The following PKHD1L1 variants were observed in gnomAD, a reference collection of about 807,000 sequenced individuals.
PKHD1L1 encodes the protein PKHD1 like 1.
A neutral mutation model predicts 462.9 loss-of-function variants in PKHD1L1; 434 were observed. The observed-to-expected ratio is 0.94, with a 90% CI of 0.87 to 1.02. PKHD1L1 has a LOEUF of 1.02. PKHD1L1 is among the 50% of genes least tolerant of loss of function. The pLI, the probability that PKHD1L1 is intolerant of heterozygous loss-of-function variation, is 0.00. For synonymous variants in PKHD1L1, 1,781 were observed against 1,750.0 expected, an observed-to-expected ratio of 1.02 and a Z score of -0.44; for missense variants, 5,202 against 5,096.1, an observed-to-expected ratio of 1.02 and a Z score of -0.63.
In PKHD1L1 at chr8:109,448,354, G is replaced by A. The variant is rs868191862; in HGVS notation, c.5988G>A (p.Glu1996=). ...KGSAMSTVVF[E]YPLNIQNINP... ...CAGCCATGTCCACAGTTGTATTTGA[G>A]TACCCGCTTAATATTCAAAATATTA... Residue 1996 remains glutamate, a synonymous_variant, in exon 39 of 78, where the codon GAG becomes GAA. Transcript: ENST00000378402. 21 of 1,613,158 alleles carry A rather than the reference G, an allele frequency of 1.3e-5. No homozygotes were observed. In the Middle Eastern group the frequency reaches 4.9e-4, roughly 38 times the overall value.
intron 28 of PKHD1L1, among the ~76,000 whole-genome samples, 172 bp downstream of exon 28, chr8:109,433,388 A>G (rs1427136496): frequency 2.0e-5 from 3 of 152,186 alleles, no homozygotes; most frequent in Admixed American, 6.5e-5. Flanking sequence ...ATAATGCCTT[A>G]TCTTTGATTA....
At chr8:109,465,349 C>T (rs773444515) in intron 49 of PKHD1L1, 104 bp downstream of exon 49, 17 of 1,208,736 alleles carry the variant, frequency 1.4e-5, no homozygotes, top group Non-Finnish European at 1.9e-5. Context: ...CAGATCTTAC[C>T]CAATAGCAAA....
intron 46 of PKHD1L1, among the ~76,000 whole-genome samples, chr8:109,458,519 C>T (rs1816941278): frequency 6.6e-6 from 1 of 152,112 alleles, no homozygotes; most frequent in Non-Finnish European, 1.5e-5. Context: ...GTGGAAGGGA[C>T]AGAAAGGTAG....
In PKHD1L1 at chr8:109,404,637, C is replaced by T. The variant is rs1813437521; in HGVS notation, c.1457C>T (p.Thr486Ile). Residue 486 changes from threonine (T) to isoleucine (I), a missense_variant, in exon 15 of 78, where the codon ACT (threonine) becomes ATT (isoleucine). Around this residue, in one of 3 missense-constraint regions of PKHD1L1, gnomAD observed 4,497 missense variants for 4,336.8 expected, o/e 1.04. Coordinates refer to ENST00000378402, the MANE Select transcript of PKHD1L1 (RefSeq NM_177531.6). ...CTGTACCAGTATCGAAATGTTTATACTGAACAACAAACAGGAGATGCAGTG... is the reference window on the plus strand; with the variant it reads ...CTGTACCAGTATCGAAATGTTTATATTGAACAACAAACAGGAGATGCAGTG... The part of the protein sequence containing the change: ...VGLYQYRNVY[T>I]EQQTGDAVNE... 1 of 1,608,498 alleles carries T rather than the reference C, an allele frequency of 6.2e-7. No individual in the cohort carries two copies. The highest frequency in any genetic ancestry group is 2.2e-5 in the East Asian group (1 of 44,580).
At chr8:109,518,096 T>C (rs1820363967) in intron 72 of PKHD1L1, 71 bp from the exon 73 acceptor site, 2 of 948,072 alleles carry the variant, frequency 2.1e-6, no homozygotes, top group Admixed American at 3.1e-5. Flanking sequence ...CAAACAAACA[T>C]TAAGTAACGC....
At position 109,479,627 on chromosome 8, in the gene PKHD1L1, A is replaced by C. The variant is rs1222418072; in HGVS notation, c.9166A>C (p.Ile3056Leu). The C allele has an allele frequency of 2.0e-6, 3 of 1,502,718 alleles. No individual in the cohort carries two copies. Among genetic ancestry groups the C allele is most frequent in the South Asian group, 1.2e-5 (1 of 83,742 alleles). 93.1% of individuals were successfully genotyped at this position (1,502,718 alleles called of 1,614,324 possible). A position where few individuals can be genotyped will look rare whatever the true frequency, so the allele number is the denominator to read the frequency against. ...YTVPHPGANVIIPEGTWIVAD... is the reference protein window; with the variant it reads ...YTVPHPGANVLIPEGTWIVAD... The stretch of plus-strand genomic sequence containing the variant: ...TGTACCTCACCCAGGGGCAAATGTG[A>C]TTATACCTGAAGGTAAATGCGTAAA... Residue 3056 changes from isoleucine to leucine, a missense_variant, in exon 54 of 78, where the codon ATT (isoleucine) becomes CTT (leucine). Ile to Leu is a conservative substitution (Grantham distance 5). Coordinates refer to ENST00000378402, the MANE Select transcript of PKHD1L1 (RefSeq NM_177531.6).
At chr8:109,423,409 A>T (rs928067953) in intron 23 of PKHD1L1, among the ~76,000 whole-genome samples, 11 of 152,120 alleles carry the variant, frequency 7.2e-5, no homozygotes, top group African/African-American at 2.4e-4. Flanking sequence ...ATTTAATTAC[A>T]TTGGAACCTT....
rs564465650 is a variant in PKHD1L1, at chr8:109,534,657, T to G, written c.*4567T>G. 6.6e-6 allele frequency among the ~76,000 whole-genome samples: 1 copy of G among 152,200 alleles called. No individual in the cohort carries two copies. Among genetic ancestry groups the G allele is most frequent in the Admixed American group, 6.5e-5 (1 of 15,284 alleles). ...GAAATATTAAGATTTATTCCCCCAA[T>G]TTCCCCTCCCCAGAGAGTAGCTACA... On this transcript the variant is annotated 3_prime_UTR_variant, in exon 78 of 78. Transcript: ENST00000378402.
chr8:109,459,921 A>G (rs1817027706), intron 47 of PKHD1L1, 85 bp downstream of exon 47: 4 of 1,168,334 alleles, frequency 3.4e-6, no homozygotes, highest in Admixed American at 3.2e-5. Flanking sequence ...ACATTATTTC[A>G]ATGTATTTCA....
At chr8:109,479,931 G>C (rs1245504474) in intron 54 of PKHD1L1, 60 bp from the exon 55 acceptor site, 1 of 1,440,716 alleles carries the variant, frequency 6.9e-7, no homozygotes, top group Admixed American at 3.0e-5. Context: ...GCTTGTCAAT[G>C]TTTTGCTATA....
At position 109,440,713 on chromosome 8, in the gene PKHD1L1, CA is replaced by C; in HGVS notation, c.3963del (p.Lys1321AsnfsTer2). On this transcript the variant is annotated frameshift_variant, in exon 33 of 78. Coordinates refer to ENST00000378402, the MANE Select transcript of PKHD1L1 (RefSeq NM_177531.6). LOFTEE classifies it high-confidence loss of function. Reference protein sequence around the residue: ...RNWGFASTRDKLNSSIQYVLE... With the variant: ...RNWGFASTRDXLNSSIQYVLE... ...ATCTATTCATTTTTTTTCTCAGAGACAAATTAAATTCTTCAATACAGTATGT... is the reference window on the plus strand; with the variant it reads ...ATCTATTCATTTTTTTTCTCAGAGACAATTAAATTCTTCAATACAGTATGT... 1.2e-6 allele frequency: 2 copies of C among 1,603,794 alleles called. No individual in the cohort carries two copies. The highest frequency in any genetic ancestry group is 1.7e-6 in the Non-Finnish European group (2 of 1,174,728).
chr8:109,384,060 C>G lies in PKHD1L1; in HGVS notation c.418-10C>G. 6.3e-7 allele frequency: 1 copy of G among 1,588,436 alleles called. No homozygotes were observed. The highest frequency in any genetic ancestry group is 8.6e-7 in the Non-Finnish European group (1 of 1,157,820). The stretch of plus-strand genomic sequence containing the variant: ...GATAAGTTTTCATATTGACATTATT[C>G]TTTTTACAGGCAAAAAGTTTTAGAA... On this transcript the variant is annotated splice_polypyrimidine_tract_variant and intron_variant, in intron 4 of 77. Coordinates refer to ENST00000378402, the MANE Select transcript of PKHD1L1 (RefSeq NM_177531.6).
chr8:109,513,200 C>A (rs1352725100), intron 71 of PKHD1L1, among the ~76,000 whole-genome samples: 1 of 151,756 alleles, frequency 6.6e-6, no homozygotes, highest in Non-Finnish European at 1.5e-5. Context: ...CCTTCTCCTG[C>A]CTAATTGCCC....
intron 77 of PKHD1L1, among the ~76,000 whole-genome samples, chr8:109,528,871 G>T (rs1441099677): frequency 6.6e-6 from 1 of 152,084 alleles, no homozygotes; most frequent in African/African-American, 2.4e-5. Flanking sequence ...CTGACTTAAG[G>T]GGAAATGTTG....
At chr8:109,472,681 A>G (rs907446909) in intron 50 of PKHD1L1, among the ~76,000 whole-genome samples, 2 of 151,408 alleles carry the variant, frequency 1.3e-5, no homozygotes, top group Admixed American at 6.6e-5. Flanking sequence ...CAAATTAGAG[A>G]AAACACTATG....
In PKHD1L1 at chr8:109,507,692, T is replaced by C; in HGVS notation, c.11024T>C (p.Met3675Thr). The stretch of plus-strand genomic sequence containing the variant: ...GTCAATCCATCTGATTGTGTAGACA[T>C]GGTTTGTGATGCCAAGAGGAAATCT... ...SKVNPSDCVD[M>T]VCDAKRKSFL... The change falls in exon 69 of 78, where the codon ATG becomes ACG. Residue 3675 changes from methionine (M) to threonine (T), a missense_variant. This residue lies in a region of PKHD1L1 where 698 missense variants were observed against 736.3 expected (regional missense o/e 0.95). Transcript: ENST00000378402. 2.5e-6 allele frequency: 4 copies of C among 1,613,396 alleles called. No individual in the cohort carries two copies. The highest frequency in any genetic ancestry group is 3.4e-6 in the Non-Finnish European group (4 of 1,179,532).
intron 71 of PKHD1L1, among the ~76,000 whole-genome samples, chr8:109,512,771 A>G (rs978460827): frequency 2.0e-5 from 3 of 151,982 alleles, no homozygotes; most frequent in South Asian, 2.1e-4. Context: ...CATTGAATCT[A>G]TAAATTACCT....
At chr8:109,413,174 A>G (rs1813949205) in intron 20 of PKHD1L1, among the ~76,000 whole-genome samples, 1 of 152,132 alleles carries the variant, frequency 6.6e-6, no homozygotes. Flanking sequence ...AAAGGAAACT[A>G]TACCTAAAAA....
intron 71 of PKHD1L1, among the ~76,000 whole-genome samples, chr8:109,512,091 A>G (rs1481981990): frequency 6.6e-6 from 1 of 151,986 alleles, no homozygotes; most frequent in East Asian, 1.9e-4. Context: ...GATTCTGGAT[A>G]TTAGCCCTTT....
Sources: gnomAD v4.1 joint callset for allele counts (sites outside exome capture counted in the v4.1 genomes callset) on GRCh38, gnomAD v4.1.1 for gene constraint, gnomAD v4.1.1 regional missense constraint, MANE v1.5 for transcripts, NCBI Gene and HGNC (gene_info 2026-07-23, HGNC 2026-07-21) for gene names.